ST6GALNAC5: variants seen among roughly 807,000 people sequenced by gnomAD.
ST6GALNAC5 encodes alpha-N-acetylgalactosaminide alpha-2,6-sialyltransferase 5.
In ST6GALNAC5, 27 loss-of-function variants were observed where a neutral mutation model predicts 33.6. The ratio of observed to expected loss-of-function variants is 0.80; its 90% CI spans 0.59 to 1.11. The LOEUF (loss-of-function observed/expected upper bound fraction) is 1.11, where lower values mean the gene tolerates loss of function less well. Among genes scored for constraint, ST6GALNAC5 ranks in the 50% least tolerant of loss-of-function variants. The pLI is 0.00. For missense variants in ST6GALNAC5, 428 were observed against 454.0 expected (o/e 0.94, Z 0.52); for synonymous variants, 194 against 171.2 (o/e 1.13, Z -1.04).
chr1:76,995,032 T>C (rs1352141411), intron 2 of ST6GALNAC5, among the ~76,000 whole-genome samples: 1 of 152,202 alleles, frequency 6.6e-6, no homozygotes. Flanking sequence ...TCCATTGGTA[T>C]AGATCACTGT....
At chr1:77,020,465 G>T (rs972719976) in intron 2 of ST6GALNAC5, among the ~76,000 whole-genome samples, 1 of 152,092 alleles carries the variant, frequency 6.6e-6, no homozygotes, top group Admixed American at 6.5e-5. Flanking sequence ...CAGTGGCACA[G>T]TCTCAGCTCA....
intron 2 of ST6GALNAC5, among the ~76,000 whole-genome samples, chr1:76,893,063 A>G (rs1181441241): frequency 6.6e-6 from 1 of 152,170 alleles, no homozygotes; most frequent in Admixed American, 6.5e-5. Flanking sequence ...TCATCCATAT[A>G]TGCACTCTTT....
At chr1:76,936,191 C>T (rs552110049) in intron 2 of ST6GALNAC5, among the ~76,000 whole-genome samples, 1 of 152,150 alleles carries the variant, frequency 6.6e-6, no homozygotes, top group African/African-American at 2.4e-5. Context: ...TGTTAACTCA[C>T]CGTATTATTT....
At chr1:77,038,595 A>C (rs539152856) in intron 2 of ST6GALNAC5, among the ~76,000 whole-genome samples, 2 of 152,322 alleles carry the variant, frequency 1.3e-5, no homozygotes, top group Admixed American at 6.5e-5. Context: ...AAATGTTTAC[A>C]AGGACATCGC....
chr1:76,970,257 T>G (rs1057075813), intron 2 of ST6GALNAC5, among the ~76,000 whole-genome samples: 1 of 151,996 alleles, frequency 6.6e-6, no homozygotes, highest in Non-Finnish European at 1.5e-5. Context: ...CAAACTTCTC[T>G]GAGCTAAAGG....
At chr1:77,010,756 C>T (rs971840884) in intron 2 of ST6GALNAC5, among the ~76,000 whole-genome samples, 2 of 152,228 alleles carry the variant, frequency 1.3e-5, no homozygotes, top group Non-Finnish European at 2.9e-5. Flanking sequence ...CACTGCACCA[C>T]TCCTCTCCTT....
At chr1:77,003,680 A>G (rs1476727266) in intron 2 of ST6GALNAC5, among the ~76,000 whole-genome samples, 3 of 151,988 alleles carry the variant, frequency 2.0e-5, no homozygotes, top group Non-Finnish European at 4.4e-5. Context: ...CTTGTAAGGC[A>G]GGCCTGGTGG....
rs774997099 is a variant in ST6GALNAC5 at position 77,050,315 on chromosome 1, G to C, written c.729G>C (p.Glu243Asp). ...GGTTTACAATGACAATTGCACTGGA[G>C]CTCTGTGACAGGATCAATGTTTATG... Reference protein sequence around the residue: ...TGWFTMTIALELCDRINVYGM... With the variant: ...TGWFTMTIALDLCDRINVYGM... The change falls in exon 4 of 5, where the codon GAG (glutamate) becomes GAC (aspartate). Residue 243 changes from glutamate to aspartate, a missense_variant. Glu to Asp is a conservative substitution (Grantham distance 45). Transcript: ENST00000477717. 14 of 1,613,988 alleles carry C rather than the reference G, an allele frequency of 8.7e-6. No individual in the cohort carries two copies. The highest frequency in any genetic ancestry group is 7.6e-6 in the Non-Finnish European group (9 of 1,179,964).
intron 4 of ST6GALNAC5, among the ~76,000 whole-genome samples, chr1:77,054,121 T>C (rs570022087): frequency 9.8e-5 from 15 of 152,360 alleles, no homozygotes; most frequent in African/African-American, 3.6e-4. Flanking sequence ...CAGAGATGAA[T>C]GAGACAGGGT....
At chr1:77,022,100 C>T (rs1651073940) in intron 2 of ST6GALNAC5, among the ~76,000 whole-genome samples, 3 of 152,318 alleles carry the variant, frequency 2.0e-5, no homozygotes, top group South Asian at 2.1e-4. Context: ...TGAATCATTT[C>T]TCTCTTCTGC....
intron 2 of ST6GALNAC5, among the ~76,000 whole-genome samples, chr1:77,038,167 T>C (rs919506430): frequency 1.3e-5 from 2 of 152,158 alleles, no homozygotes; most frequent in African/African-American, 4.8e-5. Context: ...AGCCAGTAGA[T>C]GGAAATCAGA....
chr1:76,896,506 G>T (rs1447544840), intron 2 of ST6GALNAC5, among the ~76,000 whole-genome samples: 1 of 152,160 alleles, frequency 6.6e-6, no homozygotes, highest in African/African-American at 2.4e-5. Context: ...CTTTGGTGGT[G>T]TGTGGCGATT....
chr1:76,972,780 C>T (rs544746209), intron 2 of ST6GALNAC5, among the ~76,000 whole-genome samples: 61 of 152,158 alleles, frequency 4.0e-4, no homozygotes, highest in Admixed American at 3.3e-4. Context: ...ATTTTGCACT[C>T]CCATCATCAA....
At chr1:77,021,132 A>G (rs1651038917) in intron 2 of ST6GALNAC5, among the ~76,000 whole-genome samples, 1 of 152,218 alleles carries the variant, frequency 6.6e-6, no homozygotes, top group African/African-American at 2.4e-5. Flanking sequence ...TTGATGGGGA[A>G]GTGTCAAAGA....
intron 2 of ST6GALNAC5, among the ~76,000 whole-genome samples, chr1:76,980,484 G>A (rs1317088946): frequency 6.6e-6 from 1 of 152,062 alleles, no homozygotes; most frequent in Admixed American, 6.6e-5. Context: ...TATATTTTGA[G>A]GCATATCAAT....
chr1:76,934,797 GAAAGA>G (rs985947508), intron 2 of ST6GALNAC5, among the ~76,000 whole-genome samples: 12 of 151,928 alleles, frequency 7.9e-5, no homozygotes, highest in Admixed American at 1.3e-4. Flanking sequence ...TAGAGAAAAA[GAAAGA>G]AAAGAAAAGA....
intron 2 of ST6GALNAC5, among the ~76,000 whole-genome samples, chr1:77,009,465 G>C (rs188525577): frequency 6.6e-6 from 1 of 152,122 alleles, no homozygotes; most frequent in African/African-American, 2.4e-5. Context: ...AAATTGCAAG[G>C]CTTTGGTGTT....
chr1:77,014,583 G>T (rs922594495), intron 2 of ST6GALNAC5, among the ~76,000 whole-genome samples: 1 of 152,184 alleles, frequency 6.6e-6, no homozygotes, highest in Non-Finnish European at 1.5e-5. Flanking sequence ...ACATTGATTG[G>T]CAGCTTCTGA....
At chr1:77,017,327 T>C (rs1650889127) in intron 2 of ST6GALNAC5, among the ~76,000 whole-genome samples, 1 of 152,188 alleles carries the variant, frequency 6.6e-6, no homozygotes, top group South Asian at 2.1e-4. Flanking sequence ...ACAGACAGTC[T>C]TACTCTCTGT....
Sources: allele counts gnomAD v4.1 joint callset (sites outside exome capture counted in the v4.1 genomes callset), GRCh38; gene constraint gnomAD v4.1.1; transcripts MANE v1.5; gene names NCBI Gene and HGNC (gene_info 2026-07-23, HGNC 2026-07-21).